The following SYNE2 variants were observed in gnomAD, a reference collection of about 807,000 sequenced individuals.
SYNE2 encodes nesprin-2.
In SYNE2, 431 loss-of-function variants were observed where a neutral mutation model predicts 856.3. The ratio of observed to expected loss-of-function variants is 0.50; its 90% confidence interval spans 0.47 to 0.55. The LOEUF (loss-of-function observed/expected upper bound fraction) is 0.55, where lower values mean the gene tolerates loss of function less well. Among genes scored for constraint, SYNE2 ranks in the 20% least tolerant of loss-of-function variants. SYNE2 has a pLI of 0.00. For missense variants in SYNE2, 8,129 were observed against 8,023.2 expected (o/e 1.01, Z -0.50); for synonymous variants, 2,923 against 2,872.3 (o/e 1.02, Z -0.56).
At chr14:63,890,493 TG>T (rs2095106763) in intron 1 of SYNE2, among the ~76,000 whole-genome samples, 1 of 152,070 alleles carries the variant, frequency 6.6e-6, no homozygotes, top group South Asian at 2.1e-4. Context: ...TTTAGGGAAA[TG>T]GGGTTCTGAT....
chr14:64,036,769 T>C (rs1160746607), intron 45 of SYNE2, among the ~76,000 whole-genome samples: 1 of 152,196 alleles, frequency 6.6e-6, no homozygotes, highest in African/African-American at 2.4e-5. Context: ...GAAGACTAAA[T>C]AAAATTCTTA....
At chr14:63,900,375 A>G (rs1450668728) in intron 1 of SYNE2, among the ~76,000 whole-genome samples, 6 of 152,200 alleles carry the variant, frequency 3.9e-5, no homozygotes, top group Non-Finnish European at 8.8e-5. Flanking sequence ...GAGGCCTCAC[A>G]ATCATGATGG....
intron 9 of SYNE2, among the ~76,000 whole-genome samples, chr14:63,963,076 TA>T (rs2096342935): frequency 6.6e-6 from 1 of 152,216 alleles, no homozygotes; most frequent in African/African-American, 2.4e-5. Context: ...ACATGCATTT[TA>T]TTTGACAAAT....
Position 64,070,708 on chromosome 14 carries a change from A to G in SYNE2, c.10495A>G (p.Lys3499Glu), listed in dbSNP as rs752900825. 1 of 1,614,100 alleles carries G rather than the reference A, an allele frequency of 6.2e-7. No homozygotes were observed. Among genetic ancestry groups the G allele is most frequent in the Non-Finnish European group, 8.5e-7 (1 of 1,180,010 alleles). ...QEELPEISKT[K>E]EAATTEELSE... is the part of the protein sequence containing the mutation. ...AGAACTCCCTGAAATTTCCAAAACA[A>G]AAGAGGCAGCCACCACAGAGGAACT... Residue 3499 changes from lysine (K) to glutamate (E), a missense_variant, in exon 52 of 116, where the codon AAA (lysine) becomes GAA (glutamate). Lys to Glu is a moderately conservative substitution (Grantham distance 56). Around this residue, in one of 3 missense-constraint regions of SYNE2, gnomAD observed 5,410 missense variants for 5,284.8 expected, o/e 1.02. Transcript: ENST00000555002.
chr14:63,913,837 T>TTTTTTAAATTTAATTTAGTTTTAAA (rs2095503473), intron 2 of SYNE2, among the ~76,000 whole-genome samples: 3 of 145,722 alleles, frequency 2.1e-5, no homozygotes, highest in African/African-American at 7.6e-5. Flanking sequence ...CTGTTTAAAA[T>TTTTTTAAATTTAATTTAGTTTTAAA]TTTTTAAATT....
intron 2 of SYNE2, among the ~76,000 whole-genome samples, chr14:63,928,640 C>G (rs1595694247): frequency 6.6e-6 from 1 of 152,052 alleles, no homozygotes; most frequent in East Asian, 1.9e-4. Context: ...ATTGTACATG[C>G]CTGTGTGTTT....
chr14:64,219,106 T>TG (rs1555556065), intron 109 of SYNE2, 102 bp from the exon 110 acceptor site: 3 of 478,346 alleles, frequency 6.3e-6, no homozygotes, highest in Non-Finnish European at 6.2e-6. Context: ...GTTTTTTTGT[T>TG]TTTTTTTTTT....
At chr14:64,030,939 T>C (rs2097029313) in intron 44 of SYNE2, 77 bp from the exon 45 acceptor site, 1 of 1,109,032 alleles carries the variant, frequency 9.0e-7, no homozygotes, top group East Asian at 2.4e-5. Flanking sequence ...GAAGCAAGAG[T>C]ACTCTGTGAT....
chr14:64,199,727 A>AT (rs1192693920), intron 99 of SYNE2, among the ~76,000 whole-genome samples: 4 of 151,672 alleles, frequency 2.6e-5, no homozygotes, highest in African/African-American at 9.7e-5. Context: ...AAAAAAAAAA[A>AT]AAAAAAAAAG....
chr14:63,974,367 A>G (rs1009207467), intron 11 of SYNE2, among the ~76,000 whole-genome samples: 1 of 152,136 alleles, frequency 6.6e-6, no homozygotes, highest in African/African-American at 2.4e-5. Context: ...TTGTATAGAA[A>G]TCACATGGCA....
At chr14:63,984,539 A>G (rs1490111254) in intron 18 of SYNE2, among the ~76,000 whole-genome samples, 2 of 152,322 alleles carry the variant, frequency 1.3e-5, no homozygotes, top group East Asian at 1.9e-4. Flanking sequence ...TCCTTTCTGT[A>G]AAATGGGGGA....
chr14:64,127,044 TG>T lies in SYNE2; in HGVS notation c.13917+238del, dbSNP rs753971855. ...GAGAGGCCAAGGCAGGCGGATCACC[TG>T]AGGTCAGGAGATTGAGACCATCCTG... is the stretch of plus-strand genomic sequence containing the variant. On this transcript the variant is annotated intron_variant, in intron 73 of 115. Transcript: ENST00000555002. Among the ~76,000 whole-genome samples, 41 of 152,250 alleles carry T rather than the reference TG, an allele frequency of 2.7e-4. No homozygotes were observed. In the East Asian group the frequency reaches 5.0e-3, roughly 19 times the overall value.
Position 64,052,373 on chromosome 14 carries a change from A to T in SYNE2, c.8460A>T (p.Leu2820Phe). The T allele has an allele frequency of 1.2e-6, 2 of 1,614,176 alleles. No individual in the cohort carries two copies. Among genetic ancestry groups the T allele is most frequent in the South Asian group, 2.2e-5 (2 of 91,076 alleles). ...GGAATCAATACCAAATGCTGGTTTT[A>T]AAATCAACTCAAAGATCACAGCAAT... ...DLRNQYQMLV[L>F]KSTQRSQQLE... is the part of the protein sequence containing the mutation. Residue 2820 changes from leucine (L) to phenylalanine (F), a missense_variant, in exon 48 of 116, where the codon TTA (leucine) becomes TTT (phenylalanine). Physicochemically the swap from Leu to Phe is conservative, Grantham distance 22. Coordinates refer to ENST00000555002, the MANE Select transcript of SYNE2 (RefSeq NM_182914.3).
chr14:64,168,080 C>T (rs1245963474), intron 92 of SYNE2, among the ~76,000 whole-genome samples: 3 of 152,120 alleles, frequency 2.0e-5, no homozygotes. Flanking sequence ...TTTGAAAATA[C>T]TCCTGGTGGT....
At chr14:63,846,448 G>A (rs1662172274) in intron 1 of SYNE2, among the ~76,000 whole-genome samples, 1 of 151,990 alleles carries the variant, frequency 6.6e-6, no homozygotes, top group African/African-American at 2.4e-5. Context: ...TTTAGTCACC[G>A]ATTTTTTTAC....
At chr14:63,812,945 A>G (rs758917721) in intron 1 of SYNE2, among the ~76,000 whole-genome samples, 2 of 152,206 alleles carry the variant, frequency 1.3e-5, no homozygotes, top group African/African-American at 4.8e-5. Flanking sequence ...ATGGCTTTCA[A>G]TGGTTTCTGG....
At chr14:63,786,601 G>A (rs890316594) in intron 1 of SYNE2, among the ~76,000 whole-genome samples, 7 of 152,148 alleles carry the variant, frequency 4.6e-5, no homozygotes, top group African/African-American at 1.4e-4. Flanking sequence ...TATTGCAGAT[G>A]AGGACCCAAC....
At chr14:63,827,929 A>G (rs1889519616) in intron 1 of SYNE2, among the ~76,000 whole-genome samples, 1 of 151,748 alleles carries the variant, frequency 6.6e-6, no homozygotes, top group Non-Finnish European at 1.5e-5. Context: ...ACAGTGGCTC[A>G]TGCCTGTAAT....
intron 58 of SYNE2, among the ~76,000 whole-genome samples, chr14:64,089,322 C>G (rs1309238326): frequency 7.9e-6 from 1 of 125,822 alleles, no homozygotes; most frequent in South Asian, 2.6e-4. Context: ...GCAGAGATCG[C>G]GACATTGCAC....
Sources: gnomAD v4.1 joint callset for allele counts (sites outside exome capture counted in the v4.1 genomes callset) on GRCh38, gnomAD v4.1.1 for gene constraint, gnomAD v4.1.1 regional missense constraint, MANE v1.5 for transcripts, NCBI Gene and HGNC (gene_info 2026-07-23, HGNC 2026-07-21) for gene names.